PLXNA4: variants seen among roughly 807,000 people sequenced by gnomAD.
PLXNA4 encodes plexin A4.
Under a neutral mutation model 191.8 loss-of-function variants are expected in PLXNA4, and 44 were observed. The observed-to-expected ratio is 0.23, with a 90% CI of 0.18 to 0.29. The LOEUF is 0.29. PLXNA4 is among the 10% of genes least tolerant of loss of function. PLXNA4 has a pLI of 1.00. For synonymous variants in PLXNA4, 1,082 were observed against 1,009.5 expected (o/e 1.07, Z -1.36); for missense variants, 1,800 against 2,488.8 (o/e 0.72, Z 5.89).
intron 2 of PLXNA4, among the ~76,000 whole-genome samples, chr7:132,628,898 T>C (rs1029932591): frequency 2.0e-5 from 3 of 152,214 alleles, no homozygotes; most frequent in African/African-American, 7.2e-5. Flanking sequence ...TTCTTCTGAG[T>C]TCCTTCTGAT....
intron 13 of PLXNA4, among the ~76,000 whole-genome samples, chr7:132,194,457 A>G (rs1319273096): frequency 3.3e-5 from 5 of 152,092 alleles, no homozygotes; most frequent in Non-Finnish European, 5.9e-5. Flanking sequence ...ATTATTATCT[A>G]CTCAGTTGTC....
At position 132,209,586 on chromosome 7, in the gene PLXNA4, C is replaced by A. The variant is rs574615396; in HGVS notation, c.2298+1357G>T. Among the ~76,000 whole-genome samples the A allele has an allele frequency of 3.9e-5, 6 of 152,224 alleles. No individual in the cohort carries two copies. The East Asian group carries it at 1.2e-3, about 29-fold the overall frequency. On this transcript the variant is annotated intron_variant, in intron 10 of 31. Coordinates refer to ENST00000321063, the MANE Select transcript of PLXNA4 (RefSeq NM_020911.2). ...ACACAGGATGCCATGGGGACAACTTCTGGGGTTTCAGAGGTTGTGAGAGCA... is the reference window on the plus strand; with the variant it reads ...ACACAGGATGCCATGGGGACAACTTATGGGGTTTCAGAGGTTGTGAGAGCA...
chr7:132,434,719 T>A (rs1454958411), intron 3 of PLXNA4, among the ~76,000 whole-genome samples: 1 of 152,298 alleles, frequency 6.6e-6, no homozygotes, highest in South Asian at 2.1e-4. Context: ...ACACAGACCA[T>A]GAATGATGTT....
At chr7:132,444,358 G>T (rs891692154) in intron 3 of PLXNA4, among the ~76,000 whole-genome samples, 1 of 152,216 alleles carries the variant, frequency 6.6e-6, no homozygotes, top group Non-Finnish European at 1.5e-5. Flanking sequence ...GGGTTCAAGC[G>T]ATTCTCCTCC....
intron 2 of PLXNA4, among the ~76,000 whole-genome samples, chr7:132,605,063 G>T (rs961625285): frequency 2.6e-5 from 4 of 152,198 alleles, no homozygotes; most frequent in Non-Finnish European, 5.9e-5. Context: ...TAACAAATGT[G>T]CAGGCCCCAT....
At chr7:132,285,183 A>G (rs1800638612) in intron 4 of PLXNA4, among the ~76,000 whole-genome samples, 3 of 152,232 alleles carry the variant, frequency 2.0e-5, no homozygotes, top group Admixed American at 6.5e-5. Flanking sequence ...CACCCAGCCA[A>G]TGGGCACTAG....
chr7:132,386,292 G>C (rs1476001890), intron 3 of PLXNA4, among the ~76,000 whole-genome samples: 1 of 152,182 alleles, frequency 6.6e-6, no homozygotes, highest in Non-Finnish European at 1.5e-5. Context: ...TCTGCAGGGA[G>C]AACACCGGGC....
chr7:132,164,277 C>T lies in PLXNA4; in HGVS notation c.4365G>A (p.Gly1455=). The part of the protein sequence containing the change: ...LLYKFLKECA[G]EPLFSLFCAI... ...CACAGAACAGGGAGAAGAGGGGCTC[C>T]CCAGCACACTCCTGGAGGTGAGAAG... The change falls in exon 24 of 32, where the codon GGG becomes GGA. Residue 1455 remains glycine, a synonymous_variant. Coordinates refer to ENST00000321063, the MANE Select transcript of PLXNA4 (RefSeq NM_020911.2). 6.2e-7 allele frequency: 1 copy of T among 1,614,156 alleles called. No individual in the cohort carries two copies. Among genetic ancestry groups the T allele is most frequent in the Non-Finnish European group, 8.5e-7 (1 of 1,180,014 alleles).
At chr7:132,531,489 C>G (rs894906501) in intron 1 of PLXNA4, among the ~76,000 whole-genome samples, 7 of 152,164 alleles carry the variant, frequency 4.6e-5, no homozygotes, top group African/African-American at 1.7e-4. Flanking sequence ...AGCAGGAAAT[C>G]TGTCCCAGAC....
chr7:132,445,817 G>T (rs766566133), intron 3 of PLXNA4, among the ~76,000 whole-genome samples: 36 of 152,320 alleles, frequency 2.4e-4, no homozygotes, highest in Non-Finnish European at 2.6e-4. Context: ...CTCTCTGGGG[G>T]CTCTGCTCAG....
rs1244584006 is a variant in PLXNA4 at position 132,313,788 on chromosome 7, A to C, written c.1372-15566T>G. ...TAGAGGTGGATTGTGATATCATGAT[A>C]TCAAATCATTTCCCGGAGCCAGAAT... On this transcript the variant is annotated intron_variant, in intron 3 of 31. Coordinates refer to ENST00000321063, the MANE Select transcript of PLXNA4 (RefSeq NM_020911.2). Among the ~76,000 whole-genome samples the C allele has an allele frequency of 2.0e-5, 3 of 152,120 alleles. No individual in the cohort carries two copies. The East Asian group carries it at 5.8e-4, about 29-fold the overall frequency.
intron 3 of PLXNA4, among the ~76,000 whole-genome samples, chr7:132,459,597 A>G (rs1796426611): frequency 6.6e-6 from 1 of 152,084 alleles, no homozygotes; most frequent in Non-Finnish European, 1.5e-5. Context: ...TTTTCAATTC[A>G]TATTCCTGCT....
chr7:132,275,755 T>C (rs1221310796), intron 4 of PLXNA4, among the ~76,000 whole-genome samples: 1 of 152,226 alleles, frequency 6.6e-6, no homozygotes, highest in African/African-American at 2.4e-5. Context: ...CTAGCTCTAC[T>C]GGAGTGATTC....
rs767272765 is a variant in PLXNA4 at position 132,227,558 on chromosome 7, T to C, written c.1775A>G (p.Asn592Ser). Reference sequence around the variant, plus strand: ...CTCTGACAGGTCCTCAAAGGTGCAGTTGACGCCAGCTGACAGCTCCGGGAC... The same window carrying C: ...CTCTGACAGGTCCTCAAAGGTGCAGCTGACGCCAGCTGACAGCTCCGGGAC... ...YNVPELSAGVNCTFEDLSEMD... is the reference protein window; with the variant it reads ...YNVPELSAGVSCTFEDLSEMD... Residue 592 changes from asparagine to serine, a missense_variant, in exon 7 of 32, where the codon AAC (asparagine) becomes AGC (serine). Transcript: ENST00000321063. 9 of 1,613,900 alleles carry C rather than the reference T, an allele frequency of 5.6e-6. No homozygotes were observed. The Admixed American group carries it at 8.3e-5, about 15-fold the overall frequency.
intron 1 of PLXNA4, among the ~76,000 whole-genome samples, chr7:132,562,805 CTCCTCCTCCTT>C: frequency 8.9e-5 from 3 of 33,566 alleles, no homozygotes; most frequent in Non-Finnish European, 1.8e-4. Flanking sequence ...CCTCCTCCTT[CTCCTCCTCCTT>C]CTCCTCCTCC....
Position 132,298,225 on chromosome 7 carries a change from G to A in PLXNA4, c.1372-3C>T. ...CCCCTGGGTCCATCCACCCGGATCT[G>A]TGGAGAAGAAGAGGAGAGCCAAAGT... On this transcript the variant is annotated splice_polypyrimidine_tract_variant and splice_region_variant and intron_variant, in intron 3 of 31. Transcript: ENST00000321063. 2 of 1,610,246 alleles carry A rather than the reference G, an allele frequency of 1.2e-6. No homozygotes were observed. Among genetic ancestry groups the A allele is most frequent in the Non-Finnish European group, 1.7e-6 (2 of 1,178,254 alleles).
intron 3 of PLXNA4, among the ~76,000 whole-genome samples, chr7:132,380,527 G>A (rs982072734): frequency 5.9e-5 from 9 of 152,250 alleles, no homozygotes; most frequent in African/African-American, 2.2e-4. Context: ...CCTAAAGTAT[G>A]GATGATTGCC....
At chr7:132,365,330 TG>T (rs1804112203) in intron 3 of PLXNA4, among the ~76,000 whole-genome samples, 2 of 105,588 alleles carry the variant, frequency 1.9e-5, no homozygotes, top group African/African-American at 9.4e-5. Context: ...ACGGCCCGCG[TG>T]TGTGTGTGTG....
At chr7:132,465,183 G>C (rs1230301712) in intron 3 of PLXNA4, among the ~76,000 whole-genome samples, 4 of 150,444 alleles carry the variant, frequency 2.7e-5, no homozygotes, top group Non-Finnish European at 3.0e-5. Context: ...ATTCAGTCTA[G>C]ACCCCCCCAC....
Sources: allele counts gnomAD v4.1 joint callset (sites outside exome capture counted in the v4.1 genomes callset), GRCh38; gene constraint gnomAD v4.1.1; transcripts MANE v1.5; gene names NCBI Gene and HGNC (gene_info 2026-07-23, HGNC 2026-07-21).